Variants in CLIC5 observed in about 807,000 individuals in gnomAD.
CLIC5 encodes chloride intracellular channel protein 5.
Under a neutral mutation model 24.7 loss-of-function variants are expected in CLIC5, and 20 were observed. The observed-to-expected ratio is 0.81, with a 90% CI of 0.57 to 1.18. The LOEUF (loss-of-function observed/expected upper bound fraction) is 1.18. CLIC5 is among the 50% of genes most tolerant of loss of function. The pLI, the probability that CLIC5 is intolerant of heterozygous loss-of-function variation, is 0.00. For missense variants in CLIC5, 341 were observed against 326.1 expected (o/e 1.05, Z -0.35); for synonymous variants, 159 against 135.6 (o/e 1.17, Z -1.20).
intron 1 of CLIC5, among the ~76,000 whole-genome samples, chr6:45,966,085 C>T: frequency 6.6e-6 from 1 of 152,148 alleles, no homozygotes; most frequent in East Asian, 1.9e-4. Flanking sequence ...ACTTTAGAGA[C>T]ATCCCAAAAT....
At chr6:46,109,203 G>A in the CLIC5 span, among the ~76,000 whole-genome samples, 39 of 151,902 alleles carry the variant, frequency 2.6e-4, no homozygotes, top group Non-Finnish European at 4.1e-4. Context: ...ACTTTTTCTC[G>A]AAGAATGGTT....
At chr6:46,082,085 A>G (rs1163266476), upstream of CLIC5, among the ~76,000 whole-genome samples, 1 of 152,166 alleles carries the variant, frequency 6.6e-6, no homozygotes, top group African/African-American at 2.4e-5. Flanking sequence ...GGGGGGTGAC[A>G]CTACTCCTTT....
exon 1 of CLIC5, chr6:46,080,150 G>A: frequency 6.4e-7 from 1 of 1,551,540 alleles, no homozygotes; most frequent in East Asian, 2.4e-5. Flanking sequence ...CATCATAATG[G>A]GGACTTTCAT....
chr6:45,974,483 CTGTGTG>C (rs754615455), intron 1 of CLIC5, among the ~76,000 whole-genome samples: 3 of 80,436 alleles, frequency 3.7e-5, no homozygotes, highest in Non-Finnish European at 4.9e-5. Flanking sequence ...GTGTTTACTA[CTGTGTG>C]TGTGTGTGTA....
At chr6:45,887,608 T>C (rs939602322) in intron 6 of CLIC5, among the ~76,000 whole-genome samples, 12 of 152,202 alleles carry the variant, frequency 7.9e-5, no homozygotes, top group African/African-American at 2.9e-4. Flanking sequence ...GGTGGATATA[T>C]GAAAAAACAG....
intron 1 of CLIC5, among the ~76,000 whole-genome samples, chr6:46,023,682 C>A (rs1327449928): frequency 6.6e-6 from 1 of 152,078 alleles, no homozygotes; most frequent in Admixed American, 6.6e-5. Flanking sequence ...GTTATGGGAG[C>A]CAACGGGCAG....
At chr6:46,065,367 A>G (rs1403159773) in intron 1 of CLIC5, among the ~76,000 whole-genome samples, 2 of 151,982 alleles carry the variant, frequency 1.3e-5, no homozygotes, top group African/African-American at 4.8e-5. Flanking sequence ...TTTTTAAAAA[A>G]AAGGTTAAAC....
intron 4 of CLIC5, among the ~76,000 whole-genome samples, chr6:45,940,751 G>A (rs1764100944): frequency 6.6e-6 from 1 of 152,158 alleles, no homozygotes; most frequent in Admixed American, 6.5e-5. Flanking sequence ...AAAAATCCAA[G>A]CCCCCCAGGT....
At chr6:45,928,777 T>TGC (rs1408262264) in intron 4 of CLIC5, among the ~76,000 whole-genome samples, 2 of 149,190 alleles carry the variant, frequency 1.3e-5, no homozygotes, top group African/African-American at 5.1e-5. Context: ...AGTGTGTGTG[T>TGC]GTGTGTGTGT....
chr6:45,927,985 G>T (rs1763567677), intron 4 of CLIC5, among the ~76,000 whole-genome samples: 1 of 152,172 alleles, frequency 6.6e-6, no homozygotes, highest in Non-Finnish European at 1.5e-5. Context: ...GGAATGAAAA[G>T]AAGTGCTGCT....
chr6:45,955,529 C>G (rs192665482), intron 1 of CLIC5, among the ~76,000 whole-genome samples: 14 of 152,206 alleles, frequency 9.2e-5, no homozygotes, highest in Non-Finnish European at 1.6e-4. Flanking sequence ...AATAGACCTG[C>G]AACATCACTT....
chr6:46,072,351 T>G (rs565412212), intron 1 of CLIC5, among the ~76,000 whole-genome samples: 1 of 151,260 alleles, frequency 6.6e-6, no homozygotes, highest in African/African-American at 2.4e-5. Context: ...ACAGCTGTGG[T>G]CAAGATGACA....
At chr6:46,011,496 A>G (rs1581860533) in intron 1 of CLIC5, among the ~76,000 whole-genome samples, 1 of 152,200 alleles carries the variant, frequency 6.6e-6, no homozygotes, top group Admixed American at 6.5e-5. Flanking sequence ...CGGCTTGGGG[A>G]GCAAACTGCC....
In CLIC5 at chr6:45,922,988, G is replaced by GCAAA. The variant is rs140598140; in HGVS notation, c.407-8583_407-8580dup. ...GCGACACCTTCTGGCTTATCCCTGAGCAAACAAACAAACAAACAAAAAACT... is the reference window on the plus strand; with the variant it reads ...GCGACACCTTCTGGCTTATCCCTGAGCAAACAAACAAACAAACAAACAAAAAACT... On this transcript the variant is annotated intron_variant, in intron 4 of 5. Coordinates refer to ENST00000339561, the MANE Select transcript of CLIC5 (RefSeq NM_016929.5). Among the ~76,000 whole-genome samples the GCAAA allele has an allele frequency of 9.4e-3, 1,437 of 152,168 alleles. 5 individuals are homozygous for GCAAA. The highest frequency in any genetic ancestry group is 0.017 in the African/African-American group (707 of 41,500).
intron 1 of CLIC5, among the ~76,000 whole-genome samples, chr6:45,986,741 C>T (rs1765751406): frequency 6.7e-6 from 1 of 149,790 alleles, no homozygotes; most frequent in African/African-American, 2.5e-5. Flanking sequence ...CCTCTGTGCT[C>T]ATTCACTGGG....
At chr6:45,994,428 G>T (rs1414864842) in intron 1 of CLIC5, among the ~76,000 whole-genome samples, 2 of 152,002 alleles carry the variant, frequency 1.3e-5, no homozygotes, top group African/African-American at 4.8e-5. Context: ...CTCATAAGTG[G>T]GAGTTAAACA....
intron 5 of CLIC5, chr6:45,912,071 A>T: frequency 1.0e-6 from 1 of 985,968 alleles, no homozygotes; most frequent in Non-Finnish European, 1.2e-6. Flanking sequence ...TGACGTTCGC[A>T]GGGACTTCCA....
chr6:46,057,523 C>A (rs1768293675), intron 1 of CLIC5, among the ~76,000 whole-genome samples: 1 of 152,212 alleles, frequency 6.6e-6, no homozygotes, highest in Non-Finnish European at 1.5e-5. Flanking sequence ...CTATCCTTCT[C>A]ATTGAACCAG....
chr6:46,099,950 A>G, the CLIC5 span, among the ~76,000 whole-genome samples: 5 of 151,992 alleles, frequency 3.3e-5, no homozygotes, highest in Non-Finnish European at 5.9e-5. Context: ...AAAACTTCCA[A>G]TGCCTTCCTG....
Sources: allele counts gnomAD v4.1 joint callset (sites outside exome capture counted in the v4.1 genomes callset), GRCh38; gene constraint gnomAD v4.1.1; transcripts MANE v1.5; gene names NCBI Gene and HGNC (gene_info 2026-07-23, HGNC 2026-07-21).